The following CADM2 variants were observed in gnomAD, a reference collection of about 807,000 sequenced individuals.
CADM2 encodes immunoglobulin superfamily member 4D.
A neutral mutation model predicts 49.8 loss-of-function variants in CADM2; 12 were observed. That is an observed-to-expected ratio of 0.24 (90% confidence interval 0.15 to 0.39). The LOEUF is 0.39. Ranked by LOEUF, CADM2 falls within the 10% of genes least tolerant of loss-of-function variation. CADM2 has a pLI of 1.00. For missense variants in CADM2, 378 were observed against 492.3 expected, an observed-to-expected ratio of 0.77 and a Z score of 2.20; for synonymous variants, 214 against 175.4, an observed-to-expected ratio of 1.22 and a Z score of -1.74.
At chr3:85,878,299 G>T (rs990375364) in intron 3 of CADM2, among the ~76,000 whole-genome samples, 6 of 151,900 alleles carry the variant, frequency 3.9e-5, no homozygotes, top group African/African-American at 1.5e-4. Flanking sequence ...CCTCATAGAG[G>T]ACTGAGACAT....
intron 1 of CADM2, among the ~76,000 whole-genome samples, chr3:85,220,190 G>C (rs970419907): frequency 3.3e-5 from 5 of 151,968 alleles, no homozygotes; most frequent in African/African-American, 1.2e-4. Flanking sequence ...TGTTGTTGCT[G>C]TTAAGATGCT....
In CADM2 at chr3:85,405,600, G is replaced by A. The variant is rs76257685; in HGVS notation, c.62-320922G>A. Among the ~76,000 whole-genome samples, 197 of 152,200 alleles carry A rather than the reference G, an allele frequency of 1.3e-3. 3 individuals carry two copies. The East Asian group carries it at 0.026, about 20-fold the overall frequency. ...AAAAGTAATTCAAAGATTTATTTTT[G>A]AGATCAACGTTGACCTCACTCAAAA... On this transcript the variant is annotated intron_variant, in intron 1 of 9. Transcript: ENST00000383699.
intron 1 of CADM2, among the ~76,000 whole-genome samples, chr3:85,653,914 T>C (rs2065125085): frequency 6.6e-6 from 1 of 152,182 alleles, no homozygotes; most frequent in Non-Finnish European, 1.5e-5. Flanking sequence ...GAGTCACCAG[T>C]TTCAAAAGTC....
intron 1 of CADM2, among the ~76,000 whole-genome samples, chr3:85,440,638 C>T (rs1271920234): frequency 6.6e-6 from 1 of 151,942 alleles, no homozygotes; most frequent in Non-Finnish European, 1.5e-5. Context: ...ATTTGGTTTG[C>T]TTATGGGGGA....
At chr3:85,782,842 C>T (rs2070741321) in intron 2 of CADM2, among the ~76,000 whole-genome samples, 1 of 151,982 alleles carries the variant, frequency 6.6e-6, no homozygotes, top group African/African-American at 2.4e-5. Flanking sequence ...AGCCACTCCC[C>T]TGTGTCAACG....
At chr3:85,788,952 C>T in intron 2 of CADM2, among the ~76,000 whole-genome samples, 1 of 151,794 alleles carries the variant, frequency 6.6e-6, no homozygotes, top group Non-Finnish European at 1.5e-5. Context: ...TATTATAATT[C>T]AGTATTATTA....
chr3:85,204,739 A>T (rs1397892797), intron 1 of CADM2, among the ~76,000 whole-genome samples: 1 of 152,148 alleles, frequency 6.6e-6, no homozygotes, highest in Non-Finnish European at 1.5e-5. Context: ...CTTTGATTAA[A>T]TATAAACATA....
chr3:85,307,969 A>T (rs967503806), intron 1 of CADM2, among the ~76,000 whole-genome samples: 4 of 151,340 alleles, frequency 2.6e-5, no homozygotes, highest in Non-Finnish European at 5.9e-5. Flanking sequence ...AATAATTTTT[A>T]AAAAAGGTTT....
chr3:86,070,273 G>T lies in CADM2; in HGVS notation c.*3490G>T, dbSNP rs1739742477. Reference sequence around the variant, plus strand: ...CTCAATCAAAAGTACAGGCTCATTTGTAATTATGTACTCATGATTGTAACA... The same window carrying T: ...CTCAATCAAAAGTACAGGCTCATTTTTAATTATGTACTCATGATTGTAACA... On this transcript the variant is annotated 3_prime_UTR_variant, in exon 10 of 10. Transcript: ENST00000383699. 6.6e-6 allele frequency: 1 copy of T among 151,886 alleles called. No homozygotes were observed. Among genetic ancestry groups the T allele is most frequent in the African/African-American group, 2.4e-5 (1 of 41,400 alleles). 9.4% of individuals were successfully genotyped at this position (151,886 alleles called of 1,614,324 possible). A position where few individuals can be genotyped will look rare whatever the true frequency, so the allele number is the denominator to read the frequency against.
intron 1 of CADM2, among the ~76,000 whole-genome samples, chr3:85,125,376 T>G (rs572560317): frequency 2.3e-4 from 33 of 142,396 alleles, no homozygotes; most frequent in African/African-American, 8.2e-4. Flanking sequence ...TAGATTTTTG[T>G]TTTTTTTTTT....
chr3:85,715,537 G>T (rs1382937830), intron 1 of CADM2, among the ~76,000 whole-genome samples: 1 of 151,972 alleles, frequency 6.6e-6, no homozygotes, highest in Non-Finnish European at 1.5e-5. Flanking sequence ...TTAAGTTCTG[G>T]GATACATGTG....
intron 1 of CADM2, among the ~76,000 whole-genome samples, chr3:85,534,063 C>T (rs1268344982): frequency 5.3e-5 from 8 of 152,142 alleles, no homozygotes; most frequent in Admixed American, 5.2e-4. Flanking sequence ...AGATGTGTAG[C>T]ATATGTTGAT....
intron 1 of CADM2, among the ~76,000 whole-genome samples, chr3:85,174,939 C>T (rs557623218): frequency 1.4e-4 from 22 of 152,158 alleles, no homozygotes; most frequent in African/African-American, 5.3e-4. Context: ...ATACAACAAG[C>T]AAACTTTTTT....
At chr3:85,793,513 T>A (rs1037015762) in intron 2 of CADM2, among the ~76,000 whole-genome samples, 1 of 152,194 alleles carries the variant, frequency 6.6e-6, no homozygotes, top group African/African-American at 2.4e-5. Flanking sequence ...TGTAAATGTT[T>A]ACCAACATGC....
intron 1 of CADM2, among the ~76,000 whole-genome samples, chr3:85,412,533 C>A (rs1470547134): frequency 3.4e-5 from 2 of 59,046 alleles, no homozygotes; most frequent in Non-Finnish European, 9.8e-5. Context: ...CTATGTAATT[C>A]GTTTTTTTTT....
At chr3:85,875,439 A>G (rs1402072668) in intron 3 of CADM2, among the ~76,000 whole-genome samples, 1 of 152,152 alleles carries the variant, frequency 6.6e-6, no homozygotes, top group Non-Finnish European at 1.5e-5. Context: ...AACATCTGAC[A>G]AGTGTTAAGT....
chr3:85,283,277 C>T (rs1421701002), intron 1 of CADM2, among the ~76,000 whole-genome samples: 2 of 151,134 alleles, frequency 1.3e-5, no homozygotes, highest in African/African-American at 4.9e-5. Context: ...TTGACATTAT[C>T]ATGTTTATTA....
intron 8 of CADM2, among the ~76,000 whole-genome samples, chr3:86,023,352 T>TTTTG (rs766908920): frequency 6.2e-5 from 9 of 145,556 alleles, no homozygotes; most frequent in Admixed American, 4.2e-4. Flanking sequence ...GAATGAGGTT[T>TTTTG]TTTGTTTGTT....
intron 1 of CADM2, among the ~76,000 whole-genome samples, chr3:85,327,039 TTTTTTTTC>T (rs1369583408): frequency 6.6e-6 from 1 of 151,762 alleles, no homozygotes; most frequent in African/African-American, 2.4e-5. Flanking sequence ...TAATGTGTCT[TTTTTTTTC>T]TTTTTTTCTT....
Sources: gnomAD v4.1 joint callset for allele counts (sites outside exome capture counted in the v4.1 genomes callset) on GRCh38, gnomAD v4.1.1 for gene constraint, MANE v1.5 for transcripts, NCBI Gene and HGNC (gene_info 2026-07-23, HGNC 2026-07-21) for gene names.